The following HS3ST3A1 variants were observed in gnomAD, a reference collection of about 807,000 sequenced individuals.
HS3ST3A1 encodes heparan sulfate-glucosamine 3-sulfotransferase 3A1, also known as heparan sulfate glucosamine 3-O-sulfotransferase 3A1.
A neutral mutation model predicts 25.7 loss-of-function variants in HS3ST3A1; 19 were observed. That is an observed-to-expected ratio of 0.74 (90% CI 0.52 to 1.08). The LOEUF is 1.08. Among genes scored for constraint, HS3ST3A1 ranks in the 50% least tolerant of loss-of-function variants. HS3ST3A1 has a pLI of 0.00. For missense variants in HS3ST3A1, 459 were observed against 594.3 expected (o/e 0.77, Z 2.37); for synonymous variants, 226 against 278.6 (o/e 0.81, Z 1.88).
At chr17:13,503,188 A>G (rs1038970889) in intron 1 of HS3ST3A1, among the ~76,000 whole-genome samples, 6 of 151,524 alleles carry the variant, frequency 4.0e-5, no homozygotes, top group South Asian at 2.1e-4. Flanking sequence ...AAAAAAAAAA[A>G]AAAGAAAAAA....
At chr17:13,516,295 G>A (rs563325547) in intron 1 of HS3ST3A1, among the ~76,000 whole-genome samples, 2 of 152,086 alleles carry the variant, frequency 1.3e-5, no homozygotes, top group African/African-American at 2.4e-5. Context: ...GGGTGACAGC[G>A]CAAGACTCTG....
chr17:13,502,535 G>A (rs1318111817), intron 1 of HS3ST3A1, among the ~76,000 whole-genome samples: 1 of 152,096 alleles, frequency 6.6e-6, no homozygotes, highest in African/African-American at 2.4e-5. Flanking sequence ...ATCAATTTGG[G>A]CCATTTGCCC....
Position 13,554,922 on chromosome 17 carries a change from C to T in HS3ST3A1, c.599+45609G>A, listed in dbSNP as rs139864167. ...AGGCAGACTGCCCCCTAACTCTATT[C>T]CACCCTATGTCCTGGTGTGCCAAAT... On this transcript the variant is annotated intron_variant, in intron 1 of 1. Coordinates refer to ENST00000284110, the MANE Select transcript of HS3ST3A1 (RefSeq NM_006042.3). Among the ~76,000 whole-genome samples the T allele has an allele frequency of 8.3e-3, 1,262 of 152,200 alleles. 8 individuals are homozygous for T. Among genetic ancestry groups the T allele is most frequent in the Middle Eastern group, 0.017 (5 of 294 alleles).
chr17:13,536,768 C>G (rs944636668), intron 1 of HS3ST3A1, among the ~76,000 whole-genome samples: 2 of 152,186 alleles, frequency 1.3e-5, no homozygotes, highest in African/African-American at 4.8e-5. Context: ...GAGTCCTGCA[C>G]TCAAAAGATC....
intron 1 of HS3ST3A1, among the ~76,000 whole-genome samples, chr17:13,560,963 G>A (rs1016358148): frequency 2.6e-5 from 4 of 152,164 alleles, no homozygotes; most frequent in Non-Finnish European, 4.4e-5. Flanking sequence ...CTATGGGAGA[G>A]GTGGGCACAG....
chr17:13,574,741 T>TACACACAC (rs774926362), intron 1 of HS3ST3A1, among the ~76,000 whole-genome samples: 2 of 81,550 alleles, frequency 2.5e-5, no homozygotes, highest in African/African-American at 1.1e-4. Context: ...ACAAAACAAA[T>TACACACAC]ACACACACAC....
intron 1 of HS3ST3A1, among the ~76,000 whole-genome samples, chr17:13,562,070 G>A (rs186135259): frequency 9.3e-4 from 142 of 152,158 alleles, no homozygotes; most frequent in African/African-American, 3.3e-3. Flanking sequence ...AAAGACCAGC[G>A]TTTGTGACAG....
At chr17:13,497,759 G>A (rs1476131569) in intron 1 of HS3ST3A1, among the ~76,000 whole-genome samples, 5 of 152,214 alleles carry the variant, frequency 3.3e-5, no homozygotes, top group African/African-American at 4.8e-5. Flanking sequence ...CAGTTGGATA[G>A]ATAGAGATCT....
chr17:13,526,640 ATTTTATTTTATT>A (rs1906440283), intron 1 of HS3ST3A1, among the ~76,000 whole-genome samples: 1 of 150,188 alleles, frequency 6.7e-6, no homozygotes, highest in Admixed American at 6.6e-5. Flanking sequence ...TTTTCTTTTT[ATTTTATTTTATT>A]TTTTATTTTT....
chr17:13,587,238 G>A (rs1336224263), intron 1 of HS3ST3A1, among the ~76,000 whole-genome samples: 1 of 151,916 alleles, frequency 6.6e-6, no homozygotes, highest in African/African-American at 2.4e-5. Flanking sequence ...GGCGGATCAC[G>A]AGGTCAGGAG....
At chr17:13,585,186 C>CTTTTTTTTTTGTTTTTTTTTTTT (rs1908219848) in intron 1 of HS3ST3A1, among the ~76,000 whole-genome samples, 1 of 33,234 alleles carries the variant, frequency 3.0e-5, no homozygotes, top group East Asian at 1.4e-3. Context: ...TTTTTCTGTG[C>CTTTTTTTTTTGTTTTTTTTTTTT]TTTTTTTTTT....
intron 1 of HS3ST3A1, among the ~76,000 whole-genome samples, chr17:13,546,618 T>C (rs1266903819): frequency 6.6e-6 from 1 of 152,202 alleles, no homozygotes; most frequent in Non-Finnish European, 1.5e-5. Flanking sequence ...TCCTACTGAT[T>C]TCCCTATGGA....
intron 1 of HS3ST3A1, among the ~76,000 whole-genome samples, chr17:13,598,103 G>A (rs1301126221): frequency 6.6e-6 from 1 of 151,554 alleles, no homozygotes; most frequent in Non-Finnish European, 1.5e-5. Context: ...CTGTTCGTGT[G>A]TGTGTCTGTG....
At chr17:13,573,834 G>A (rs1907879416) in intron 1 of HS3ST3A1, among the ~76,000 whole-genome samples, 3 of 152,190 alleles carry the variant, frequency 2.0e-5, no homozygotes. Flanking sequence ...CCTCCAAAGT[G>A]GAGTTACGGG....
Position 13,595,007 on chromosome 17 carries a change from T to G in HS3ST3A1, c.599+5524A>C, listed in dbSNP as rs114504397. ...GGGCTGTTCGAGTCGGTGAATAGTT[T>G]GTGTTGAAACCTTTGCAAGAATGTC... On this transcript the variant is annotated intron_variant, in intron 1 of 1. Transcript: ENST00000284110. 2.0e-3 allele frequency among the ~76,000 whole-genome samples: 311 copies of G among 152,014 alleles called. 2 individuals are homozygous for G. Among genetic ancestry groups the G allele is most frequent in the African/African-American group, 6.2e-3 (257 of 41,570 alleles).
intron 1 of HS3ST3A1, among the ~76,000 whole-genome samples, chr17:13,531,989 G>A (rs1191638303): frequency 1.3e-5 from 2 of 152,162 alleles, no homozygotes; most frequent in Admixed American, 6.5e-5. Flanking sequence ...AGGGGACAGG[G>A]AATCAAATGG....
At chr17:13,530,122 C>T (rs961194670) in intron 1 of HS3ST3A1, among the ~76,000 whole-genome samples, 5 of 152,082 alleles carry the variant, frequency 3.3e-5, no homozygotes, top group African/African-American at 1.2e-4. Flanking sequence ...GCCCCCTTTT[C>T]ATTCCTTTGA....
At chr17:13,530,020 A>ACACACG (rs765264474) in intron 1 of HS3ST3A1, among the ~76,000 whole-genome samples, 1 of 151,784 alleles carries the variant, frequency 6.6e-6, no homozygotes, top group Non-Finnish European at 1.5e-5. Context: ...ACACACACAC[A>ACACACG]CACACACACA....
chr17:13,512,829 C>T (rs1905922721), intron 1 of HS3ST3A1, among the ~76,000 whole-genome samples: 1 of 152,114 alleles, frequency 6.6e-6, no homozygotes, highest in Non-Finnish European at 1.5e-5. Context: ...TTTTATTACT[C>T]ATCCCAACAT....
Sources: allele counts gnomAD v4.1 joint callset (sites outside exome capture counted in the v4.1 genomes callset), GRCh38; gene constraint gnomAD v4.1.1; transcripts MANE v1.5; gene names NCBI Gene and HGNC (gene_info 2026-07-23, HGNC 2026-07-21).